The following GDPD5 variants were observed in gnomAD, a reference collection of about 807,000 sequenced individuals.
GDPD5 encodes the protein glycerophosphodiester phosphodiesterase 2.
In GDPD5, 48 loss-of-function variants were observed where a neutral mutation model predicts 75.1. The ratio of observed to expected loss-of-function variants is 0.64; its 90% CI spans 0.51 to 0.81. The LOEUF (loss-of-function observed/expected upper bound fraction) is 0.81. Among genes scored for constraint, GDPD5 ranks in the 40% least tolerant of loss-of-function variants. The pLI, the probability that GDPD5 is intolerant of heterozygous loss-of-function variation, is 0.00. For synonymous variants in GDPD5, 336 were observed against 339.0 expected (o/e 0.99, Z 0.10); for missense variants, 706 against 822.6 (o/e 0.86, Z 1.73).
chr11:75,463,715 G>A (rs1369784304), intron 3 of GDPD5, among the ~76,000 whole-genome samples: 3 of 152,162 alleles, frequency 2.0e-5, no homozygotes, highest in Non-Finnish European at 1.5e-5. Context: ...GCAGCCCTAC[G>A]TCTGAGCTCC....
chr11:75,490,495 G>A (rs1336890929), intron 1 of GDPD5, 175 bp from the exon 2 acceptor site: 1 of 152,292 alleles, frequency 6.6e-6, no homozygotes, highest in African/African-American at 2.4e-5. Context: ...GCTGGTGGAT[G>A]GGCTGACAGG....
chr11:75,435,483 C>A lies in GDPD5; in HGVS notation c.*24G>T, dbSNP rs991810972. Reference sequence around the variant, plus strand: ...GGCTCCCCAGCTTCTGTGTCAGGTACAGGTGGGACAGACATGTCTTCAGCT... The same window carrying A: ...GGCTCCCCAGCTTCTGTGTCAGGTAAAGGTGGGACAGACATGTCTTCAGCT... On this transcript the variant is annotated 3_prime_UTR_variant, in exon 17 of 17. Transcript: ENST00000336898. 1 of 1,564,434 alleles carries A rather than the reference C, an allele frequency of 6.4e-7. No individual in the cohort carries two copies. The highest frequency in any genetic ancestry group is 1.4e-5 in the African/African-American group (1 of 73,918).
At chr11:75,444,708 T>C (rs147060895) in intron 9 of GDPD5, among the ~76,000 whole-genome samples, 1 of 152,248 alleles carries the variant, frequency 6.6e-6, no homozygotes, top group East Asian at 1.9e-4. Context: ...TTGGTTTTAC[T>C]GGGGGCGGGG....
At position 75,477,784 on chromosome 11, in the gene GDPD5, C is replaced by T. The variant is rs1228725840; in HGVS notation, c.-49G>A. The T allele has an allele frequency of 1.5e-6, 2 of 1,345,120 alleles. No homozygotes were observed. Among genetic ancestry groups the T allele is most frequent in the South Asian group, 2.8e-5 (2 of 70,852 alleles). 83.3% of individuals were successfully genotyped at this position (1,345,120 alleles called of 1,614,324 possible). On this transcript the variant is annotated 5_prime_UTR_variant, in exon 3 of 17. Coordinates refer to ENST00000336898, the MANE Select transcript of GDPD5 (RefSeq NM_030792.8). ...CTGGCCCTCAGGCGCCCATGGAGGC[C>T]CCCAGCTTGTCCTGCAGGAGGAAGC...
chr11:75,459,812 A>C (rs1949374515), intron 4 of GDPD5, among the ~76,000 whole-genome samples: 1 of 151,594 alleles, frequency 6.6e-6, no homozygotes, highest in South Asian at 2.1e-4. Context: ...TGTCTCAAAA[A>C]AAAAAAAAAA....
At chr11:75,501,711 G>A (rs528807614) in intron 1 of GDPD5, among the ~76,000 whole-genome samples, 5 of 152,288 alleles carry the variant, frequency 3.3e-5, no homozygotes, top group African/African-American at 7.2e-5. Flanking sequence ...GAGGGTGAGA[G>A]AGCAGGAGCC....
At chr11:75,447,760 A>G (rs1284103728) in intron 9 of GDPD5, among the ~76,000 whole-genome samples, 4 of 152,132 alleles carry the variant, frequency 2.6e-5, no homozygotes, top group Non-Finnish European at 4.4e-5. Flanking sequence ...GCCCCTCAGA[A>G]GAGTTCCCCT....
rs1364316641 is a variant in GDPD5, at chr11:75,503,012, GATA to G, written c.-144-12695_-144-12693del. Reference sequence around the variant, plus strand: ...AATTCCTGGCCTACAGAAACTGTGAGATAATGATTGTTCTTTTTCTTTTTTTGA... The same window carrying G: ...AATTCCTGGCCTACAGAAACTGTGAGATGATTGTTCTTTTTCTTTTTTTGA... On this transcript the variant is annotated intron_variant, in intron 1 of 16. Coordinates refer to ENST00000336898, the MANE Select transcript of GDPD5 (RefSeq NM_030792.8). Among the ~76,000 whole-genome samples, 4 of 152,210 alleles carry G rather than the reference GATA, an allele frequency of 2.6e-5. No individual in the cohort carries two copies. The East Asian group carries it at 5.8e-4, about 22-fold the overall frequency.
intron 1 of GDPD5, among the ~76,000 whole-genome samples, chr11:75,497,787 G>A (rs1270496378): frequency 6.6e-6 from 1 of 152,196 alleles, no homozygotes; most frequent in Admixed American, 6.5e-5. Flanking sequence ...TAGTGGGCCA[G>A]GGCAGAGCTG....
chr11:75,521,492 G>C (rs1202998869), intron 1 of GDPD5, among the ~76,000 whole-genome samples: 1 of 152,204 alleles, frequency 6.6e-6, no homozygotes, highest in Non-Finnish European at 1.5e-5. Flanking sequence ...CAGGGAGTTT[G>C]TGTGAACAAG....
intron 1 of GDPD5, among the ~76,000 whole-genome samples, chr11:75,491,395 C>T (rs1950106464): frequency 6.6e-6 from 1 of 152,254 alleles, no homozygotes; most frequent in Non-Finnish European, 1.5e-5. Context: ...GGCTTCTCCT[C>T]TAAACTTTAA....
chr11:75,512,281 GACACACACACACACACACACACACACAC>G (rs145862089), intron 1 of GDPD5, among the ~76,000 whole-genome samples: 1 of 123,100 alleles, frequency 8.1e-6, no homozygotes, highest in Non-Finnish European at 1.7e-5. Flanking sequence ...AATTGGGAAG[GACACACACACACACACACACACACACAC>G]ACACACACAC....
At chr11:75,440,030 T>G in intron 14 of GDPD5, 69 bp from the exon 15 acceptor site, 1 of 1,255,972 alleles carries the variant, frequency 8.0e-7, no homozygotes, top group Non-Finnish European at 1.1e-6. Flanking sequence ...AGACTGAGGG[T>G]CCGTGGACCA....
At chr11:75,482,508 T>C (rs1949940398) in intron 2 of GDPD5, among the ~76,000 whole-genome samples, 1 of 152,094 alleles carries the variant, frequency 6.6e-6, no homozygotes, top group Admixed American at 6.5e-5. Flanking sequence ...TACCACCCTT[T>C]TCTCAAGGCC....
At chr11:75,510,560 G>C (rs11236445) in intron 1 of GDPD5, among the ~76,000 whole-genome samples, 13,925 of 152,154 alleles carry the variant, frequency 0.092, 856 homozygotes, top group East Asian at 0.25. Flanking sequence ...CTCCTTACAG[G>C]GTCCTCATGA....
chr11:75,437,878 G>T (rs1236074296), intron 15 of GDPD5: 2 of 152,210 alleles, frequency 1.3e-5, no homozygotes, highest in African/African-American at 4.8e-5. Context: ...ACCTTTCCTG[G>T]GATCTAGGCA....
intron 1 of GDPD5, among the ~76,000 whole-genome samples, chr11:75,494,594 C>T (rs1447427110): frequency 1.3e-5 from 2 of 152,174 alleles, no homozygotes; most frequent in East Asian, 1.9e-4. Context: ...ATTTTCATCA[C>T]TTGTGTTCTG....
intron 6 of GDPD5, among the ~76,000 whole-genome samples, chr11:75,453,821 G>A (rs1199271419): frequency 6.6e-6 from 1 of 152,024 alleles, no homozygotes; most frequent in Non-Finnish European, 1.5e-5. Flanking sequence ...TGGAAACGTT[G>A]GGAAGCCATC....
chr11:75,470,632 T>A (rs777430986), intron 3 of GDPD5, among the ~76,000 whole-genome samples: 32 of 152,332 alleles, frequency 2.1e-4, no homozygotes, highest in Admixed American at 3.9e-4. Context: ...TTCTTTTACA[T>A]CTTTCCAAGT....
Sources: allele counts gnomAD v4.1 joint callset (sites outside exome capture counted in the v4.1 genomes callset), GRCh38; gene constraint gnomAD v4.1.1; transcripts MANE v1.5; gene names NCBI Gene and HGNC (gene_info 2026-07-23, HGNC 2026-07-21).